CHCHD6: variants seen among roughly 807,000 people sequenced by gnomAD.
CHCHD6 encodes the protein coiled-coil-helix-coiled-coil-helix domain containing 6, also known as MICOS complex subunit MIC25.
CHCHD6 carries 28 observed loss-of-function variants against 32.3 expected under a neutral mutation model. The ratio of observed to expected loss-of-function variants is 0.87; its 90% CI spans 0.64 to 1.19. CHCHD6 has a LOEUF of 1.19. Among genes scored for constraint, CHCHD6 ranks in the 50% most tolerant of loss-of-function variants. CHCHD6 has a pLI of 0.00. For synonymous variants in CHCHD6, 122 were observed against 117.5 expected (o/e 1.04, Z -0.25); for missense variants, 333 against 307.0 (o/e 1.08, Z -0.63).
chr3:126,794,743 C>T (rs949430546), intron 4 of CHCHD6, among the ~76,000 whole-genome samples: 2 of 152,136 alleles, frequency 1.3e-5, no homozygotes, highest in Non-Finnish European at 2.9e-5. Flanking sequence ...GCTCTTTCCC[C>T]TTTCTGCTAT....
At chr3:126,731,839 G>A (rs1356580892) in intron 3 of CHCHD6, among the ~76,000 whole-genome samples, 1 of 152,098 alleles carries the variant, frequency 6.6e-6, no homozygotes, top group Non-Finnish European at 1.5e-5. Flanking sequence ...AATTTAGGAG[G>A]CTAAAGCAGG....
At chr3:126,902,590 A>G (rs1377583151) in intron 5 of CHCHD6, among the ~76,000 whole-genome samples, 2 of 151,688 alleles carry the variant, frequency 1.3e-5, no homozygotes, top group Non-Finnish European at 1.5e-5. Flanking sequence ...GGTGGCGGGC[A>G]CCTGTAGTCC....
intron 4 of CHCHD6, among the ~76,000 whole-genome samples, chr3:126,775,903 G>A (rs929078575): frequency 2.6e-5 from 4 of 152,178 alleles, no homozygotes; most frequent in African/African-American, 9.7e-5. Flanking sequence ...GTGCAGGTGC[G>A]GATTTCCTGT....
intron 4 of CHCHD6, among the ~76,000 whole-genome samples, chr3:126,812,117 T>C (rs1939680896): frequency 6.6e-6 from 1 of 151,282 alleles, no homozygotes; most frequent in African/African-American, 2.4e-5. Context: ...TTTTTTTTTT[T>C]AAGTGAAAAA....
chr3:126,950,172 G>A (rs1255104878), intron 6 of CHCHD6, among the ~76,000 whole-genome samples: 1 of 151,998 alleles, frequency 6.6e-6, no homozygotes, highest in Non-Finnish European at 1.5e-5. Context: ...ATGGAAGTGA[G>A]CACTGCACCA....
intron 4 of CHCHD6, among the ~76,000 whole-genome samples, chr3:126,843,847 A>T (rs1941194556): frequency 6.6e-6 from 1 of 152,222 alleles, no homozygotes; most frequent in Non-Finnish European, 1.5e-5. Context: ...GGTACTTTTC[A>T]GTAGCTTCCA....
At chr3:126,824,884 T>C (rs1286765061) in intron 4 of CHCHD6, among the ~76,000 whole-genome samples, 1 of 152,032 alleles carries the variant, frequency 6.6e-6, no homozygotes, top group Admixed American at 6.5e-5. Context: ...CGGCCTGACT[T>C]TCTTGATTTT....
intron 4 of CHCHD6, among the ~76,000 whole-genome samples, chr3:126,755,861 T>TGTGC (rs1553729473): frequency 1.3e-5 from 2 of 151,836 alleles, no homozygotes; most frequent in African/African-American, 4.8e-5. Flanking sequence ...TGTGTGTGTG[T>TGTGC]GTGTGTGTAG....
intron 6 of CHCHD6, among the ~76,000 whole-genome samples, chr3:126,938,037 A>C (rs1483934866): frequency 6.6e-6 from 1 of 152,252 alleles, no homozygotes; most frequent in African/African-American, 2.4e-5. Flanking sequence ...CTTGCTGTGC[A>C]GACAGCTAGC....
intron 5 of CHCHD6, among the ~76,000 whole-genome samples, chr3:126,882,262 C>G (rs1452312430): frequency 6.6e-6 from 1 of 152,216 alleles, no homozygotes; most frequent in African/African-American, 2.4e-5. Flanking sequence ...ACCTGGACCT[C>G]CCTCTCCGCC....
chr3:126,871,637 A>G (rs1297333930), intron 5 of CHCHD6, among the ~76,000 whole-genome samples: 1 of 138,960 alleles, frequency 7.2e-6, no homozygotes, highest in East Asian at 2.1e-4. Flanking sequence ...AGGACAGCTT[A>G]TGCTCTTCCC....
chr3:126,924,254 T>C (rs2078293293), intron 6 of CHCHD6, among the ~76,000 whole-genome samples: 1 of 152,212 alleles, frequency 6.6e-6, no homozygotes, highest in Non-Finnish European at 1.5e-5. Context: ...TCTGTAGACA[T>C]ATTTATGTGA....
intron 4 of CHCHD6, among the ~76,000 whole-genome samples, chr3:126,799,810 G>C (rs764912794): frequency 1.3e-5 from 2 of 152,184 alleles, no homozygotes; most frequent in Non-Finnish European, 2.9e-5. Context: ...GAAAAAGAAG[G>C]CTGCGCCATC....
At chr3:126,908,847 T>C (rs2078042493) in intron 5 of CHCHD6, among the ~76,000 whole-genome samples, 1 of 152,192 alleles carries the variant, frequency 6.6e-6, no homozygotes, top group African/African-American at 2.4e-5. Context: ...GGAGGTTCTG[T>C]CATTGTTGTC....
intron 6 of CHCHD6, among the ~76,000 whole-genome samples, chr3:126,944,027 G>A (rs2078599859): frequency 6.6e-6 from 1 of 152,244 alleles, no homozygotes; most frequent in African/African-American, 2.4e-5. Context: ...CCTTGGGTTT[G>A]ATGATGACTC....
intron 4 of CHCHD6, among the ~76,000 whole-genome samples, chr3:126,838,721 G>A (rs1940958170): frequency 6.6e-6 from 1 of 152,078 alleles, no homozygotes; most frequent in East Asian, 1.9e-4. Context: ...AAACCCTTAT[G>A]GCAGCCCTAT....
intron 4 of CHCHD6, among the ~76,000 whole-genome samples, chr3:126,797,051 C>T (rs755018848): frequency 2.0e-5 from 3 of 152,134 alleles, no homozygotes; most frequent in South Asian, 2.1e-4. Context: ...ATGGATGAAC[C>T]GCATCTGGCC....
chr3:126,825,858 A>G (rs907017891), intron 4 of CHCHD6, among the ~76,000 whole-genome samples: 1 of 152,198 alleles, frequency 6.6e-6, no homozygotes, highest in African/African-American at 2.4e-5. Context: ...CCTGTGGGTT[A>G]CCATTTCCAG....
intron 6 of CHCHD6, among the ~76,000 whole-genome samples, chr3:126,932,165 A>G (rs961179505): frequency 6.6e-6 from 1 of 151,986 alleles, no homozygotes; most frequent in African/African-American, 2.4e-5. Flanking sequence ...AGCCTTCACC[A>G]TGCCCTGCTG....
Sources: gnomAD v4.1 joint callset for allele counts (sites outside exome capture counted in the v4.1 genomes callset) on GRCh38, gnomAD v4.1.1 for gene constraint, MANE v1.5 for transcripts, NCBI Gene and HGNC (gene_info 2026-07-23, HGNC 2026-07-21) for gene names.